Variants in SEMA5A observed in about 807,000 individuals in gnomAD.
SEMA5A encodes semaphorin-5A.
A neutral mutation model predicts 135.5 loss-of-function variants in SEMA5A; 55 were observed. That is an observed-to-expected ratio of 0.41 (90% CI 0.33 to 0.51). SEMA5A has a LOEUF of 0.51. Ranked by LOEUF, SEMA5A falls within the 20% of genes least tolerant of loss-of-function variation. The probability of loss-of-function intolerance (pLI) is 0.37; values close to 1 mark genes in which losing one functional copy is unlikely to be tolerated. For missense variants in SEMA5A, 1,290 were observed against 1,419.9 expected (o/e 0.91, Z 1.47); for synonymous variants, 580 against 546.5 (o/e 1.06, Z -0.85).
chr5:9,527,226 A>C (rs1304958179), intron 1 of SEMA5A, among the ~76,000 whole-genome samples: 1 of 152,088 alleles, frequency 6.6e-6, no homozygotes, highest in Non-Finnish European at 1.5e-5. Flanking sequence ...GACCCCTCAG[A>C]GCACAAGCCC....
At chr5:9,119,188 G>A (rs773278898) in intron 14 of SEMA5A, 47 bp from the exon 15 acceptor site, 1 of 1,596,440 alleles carries the variant, frequency 6.3e-7, no homozygotes, top group South Asian at 1.1e-5. Flanking sequence ...CAGGCTCAGA[G>A]TCCAAGCCCT....
chr5:9,404,794 T>G (rs913928312), intron 2 of SEMA5A, among the ~76,000 whole-genome samples: 1 of 152,198 alleles, frequency 6.6e-6, no homozygotes, highest in African/African-American at 2.4e-5. Context: ...AATAAACAAA[T>G]ACTAAGACCT....
intron 1 of SEMA5A, among the ~76,000 whole-genome samples, chr5:9,441,246 A>G (rs964204787): frequency 6.6e-6 from 1 of 152,250 alleles, no homozygotes; most frequent in Non-Finnish European, 1.5e-5. Flanking sequence ...GAAGTTACTT[A>G]TGGGCAGAAG....
chr5:9,347,911 T>A (rs1479499052), intron 3 of SEMA5A, among the ~76,000 whole-genome samples: 1 of 152,236 alleles, frequency 6.6e-6, no homozygotes. Flanking sequence ...TGTAACCAAT[T>A]GAAATGCACT....
intron 14 of SEMA5A, among the ~76,000 whole-genome samples, chr5:9,121,595 T>C (rs1404492381): frequency 6.6e-6 from 1 of 152,242 alleles, no homozygotes; most frequent in African/African-American, 2.4e-5. Flanking sequence ...TTGATAGTTT[T>C]TGTAAGTTTT....
intron 1 of SEMA5A, among the ~76,000 whole-genome samples, chr5:9,513,177 G>GT (rs143009689): frequency 0.062 from 9,364 of 150,990 alleles, 357 homozygotes; most frequent in South Asian, 0.11. Flanking sequence ...CTCAAGATAT[G>GT]TTTTTTTAAA....
chr5:9,534,741 G>A (rs1737660610), intron 1 of SEMA5A, among the ~76,000 whole-genome samples: 1 of 152,196 alleles, frequency 6.6e-6, no homozygotes, highest in Admixed American at 6.5e-5. Flanking sequence ...GGCACGGGCA[G>A]CATGGGGCGG....
At chr5:9,443,943 C>G (rs956018187) in intron 1 of SEMA5A, among the ~76,000 whole-genome samples, 2 of 152,228 alleles carry the variant, frequency 1.3e-5, no homozygotes, top group African/African-American at 4.8e-5. Flanking sequence ...CCACTCTTAC[C>G]ATGGTCCAGG....
intron 5 of SEMA5A, among the ~76,000 whole-genome samples, chr5:9,283,920 C>T (rs373180500): frequency 1.4e-4 from 21 of 152,116 alleles, no homozygotes; most frequent in East Asian, 7.7e-4. Context: ...ACACAGAACC[C>T]GAGGTACATG....
chr5:9,466,043 C>G (rs1561275992), intron 1 of SEMA5A, among the ~76,000 whole-genome samples: 1 of 152,072 alleles, frequency 6.6e-6, no homozygotes, highest in Non-Finnish European at 1.5e-5. Context: ...ACCAAGAAGG[C>G]CTTAACATTT....
intron 1 of SEMA5A, among the ~76,000 whole-genome samples, chr5:9,466,378 A>G (rs1018861253): frequency 5.1e-5 from 3 of 58,434 alleles, no homozygotes; most frequent in African/African-American, 1.8e-4. Flanking sequence ...ATAATAATAA[A>G]ATTTAAAAAA....
At chr5:9,073,299 G>C (rs577422581) in intron 16 of SEMA5A, among the ~76,000 whole-genome samples, 1 of 152,214 alleles carries the variant, frequency 6.6e-6, no homozygotes, top group South Asian at 2.1e-4. Context: ...GAAAGACTGG[G>C]TTATCATTTG....
intron 17 of SEMA5A, among the ~76,000 whole-genome samples, chr5:9,063,428 C>T (rs957140138): frequency 6.6e-6 from 1 of 152,182 alleles, no homozygotes; most frequent in African/African-American, 2.4e-5. Flanking sequence ...AAAGAAAACA[C>T]AACTTTCTCA....
At chr5:9,292,492 T>TG (rs1270687387) in intron 5 of SEMA5A, among the ~76,000 whole-genome samples, 1 of 152,190 alleles carries the variant, frequency 6.6e-6, no homozygotes, top group African/African-American at 2.4e-5. Flanking sequence ...TCTTCATTAC[T>TG]GTCTTCAGTT....
Position 9,452,221 on chromosome 5 carries a change from G to C in SEMA5A, c.-174-14369C>G, listed in dbSNP as rs550941042. Among the ~76,000 whole-genome samples, 38 of 152,294 alleles carry C rather than the reference G, an allele frequency of 2.5e-4. 1 individual carries two copies. In the South Asian group the frequency reaches 6.8e-3, roughly 27 times the overall value. On this transcript the variant is annotated intron_variant, in intron 1 of 22. Coordinates refer to ENST00000382496, the MANE Select transcript of SEMA5A (RefSeq NM_003966.3). ...TTGTTCCCCAAGAACATTCACTCTG[G>C]AAGCTGTCACTGCTCAAAAGACATC...
intron 16 of SEMA5A, among the ~76,000 whole-genome samples, chr5:9,074,400 C>T (rs1579343717): frequency 6.6e-6 from 1 of 152,044 alleles, no homozygotes; most frequent in East Asian, 1.9e-4. Flanking sequence ...GAAGCAAACA[C>T]ATGAGAACAC....
At chr5:9,080,365 AG>A (rs1448631145) in intron 16 of SEMA5A, among the ~76,000 whole-genome samples, 1 of 152,152 alleles carries the variant, frequency 6.6e-6, no homozygotes, top group Non-Finnish European at 1.5e-5. Context: ...ACATGGACAC[AG>A]GGAGGAGAAC....
intron 5 of SEMA5A, among the ~76,000 whole-genome samples, chr5:9,287,209 AC>A (rs1419003081): frequency 6.6e-6 from 1 of 152,172 alleles, no homozygotes; most frequent in East Asian, 1.9e-4. Context: ...CTTTATATTA[AC>A]CCAGGCAGCA....
chr5:9,195,995 A>G (rs1000081056), intron 10 of SEMA5A, among the ~76,000 whole-genome samples: 3 of 152,252 alleles, frequency 2.0e-5, no homozygotes, highest in Non-Finnish European at 4.4e-5. Flanking sequence ...GATCTGCCCC[A>G]GGCCCACTGT....
Sources: gnomAD v4.1 joint callset for allele counts (sites outside exome capture counted in the v4.1 genomes callset) on GRCh38, gnomAD v4.1.1 for gene constraint, MANE v1.5 for transcripts, NCBI Gene and HGNC (gene_info 2026-07-23, HGNC 2026-07-21) for gene names.